The following SPOCK3 variants were observed in gnomAD, a reference collection of about 807,000 sequenced individuals.
SPOCK3 encodes the protein testican-3.
In SPOCK3, 30 loss-of-function variants were observed where a neutral mutation model predicts 56.6. That is an observed-to-expected ratio of 0.53 (90% CI 0.40 to 0.72). The LOEUF (loss-of-function observed/expected upper bound fraction) is 0.72. SPOCK3 is among the 30% of genes least tolerant of loss of function. The pLI, the probability that SPOCK3 is intolerant of heterozygous loss-of-function variation, is 0.00. For missense variants in SPOCK3, 527 were observed against 530.0 expected, an observed-to-expected ratio of 0.99 and a Z score of 0.06; for synonymous variants, 196 against 183.3, an observed-to-expected ratio of 1.07 and a Z score of -0.56.
chr4:166,950,185 A>C (rs976601378), intron 4 of SPOCK3, among the ~76,000 whole-genome samples: 11 of 151,916 alleles, frequency 7.2e-5, no homozygotes, highest in African/African-American at 2.7e-4. Context: ...TGTATTCAGG[A>C]AACCCATCTC....
intron 2 of SPOCK3, among the ~76,000 whole-genome samples, chr4:167,169,838 T>C (rs999373094): frequency 2.6e-5 from 4 of 152,032 alleles, no homozygotes; most frequent in African/African-American, 9.7e-5. Context: ...AATCATGAGG[T>C]GGTTTTCCCC....
At chr4:166,807,471 C>T (rs1743299739) in intron 6 of SPOCK3, among the ~76,000 whole-genome samples, 1 of 152,096 alleles carries the variant, frequency 6.6e-6, no homozygotes. Flanking sequence ...TGTTGCTATG[C>T]ATGTTGTGTT....
intron 4 of SPOCK3, among the ~76,000 whole-genome samples, chr4:166,995,699 G>A (rs1748295915): frequency 6.6e-6 from 1 of 152,114 alleles, no homozygotes; most frequent in East Asian, 1.9e-4. Context: ...TAAAGCATTA[G>A]CATCACTGTA....
At position 167,111,299 on chromosome 4, in the gene SPOCK3, C is replaced by T. The variant is rs28707329; in HGVS notation, c.190-48762G>A. Among the ~76,000 whole-genome samples, 1,134 of 152,054 alleles carry T rather than the reference C, an allele frequency of 7.5e-3. 14 individuals are homozygous for T. Among genetic ancestry groups the T allele is most frequent in the African/African-American group, 0.026 (1,085 of 41,480 alleles). The stretch of plus-strand genomic sequence containing the variant: ...ATAACAAAGCCCGCGGACTCAAGAA[C>T]ATATTTTGCAATTGCAGCACAATCC... On this transcript the variant is annotated intron_variant, in intron 2 of 10. Coordinates refer to ENST00000357545, the MANE Select transcript of SPOCK3 (RefSeq NM_001040159.2).
At chr4:167,060,962 A>C (rs1031743666) in intron 3 of SPOCK3, among the ~76,000 whole-genome samples, 1 of 152,086 alleles carries the variant, frequency 6.6e-6, no homozygotes, top group Non-Finnish European at 1.5e-5. Flanking sequence ...GACATTCTTC[A>C]TAAACATTAG....
At chr4:166,850,378 C>A (rs1407583225) in intron 6 of SPOCK3, among the ~76,000 whole-genome samples, 1 of 152,148 alleles carries the variant, frequency 6.6e-6, no homozygotes, top group Non-Finnish European at 1.5e-5. Context: ...AGTTAAAGTG[C>A]TATGCAATAA....
intron 2 of SPOCK3, among the ~76,000 whole-genome samples, chr4:167,158,673 T>C (rs1178335958): frequency 6.6e-6 from 1 of 152,010 alleles, no homozygotes; most frequent in African/African-American, 2.4e-5. Flanking sequence ...AGTTTTCACA[T>C]AGTTCAATTC....
chr4:167,057,665 C>G (rs1417332093), intron 3 of SPOCK3, among the ~76,000 whole-genome samples: 2 of 151,224 alleles, frequency 1.3e-5, no homozygotes, highest in East Asian at 3.9e-4. Flanking sequence ...GACTTTAAAC[C>G]AACAAAGATC....
At chr4:166,858,287 T>A (rs1245342681) in intron 6 of SPOCK3, among the ~76,000 whole-genome samples, 1 of 152,188 alleles carries the variant, frequency 6.6e-6, no homozygotes, top group Non-Finnish European at 1.5e-5. Flanking sequence ...GAAATCTTAT[T>A]GCTGTGAATT....
chr4:166,836,553 C>T (rs1746642713), intron 6 of SPOCK3, among the ~76,000 whole-genome samples: 1 of 151,912 alleles, frequency 6.6e-6, no homozygotes, highest in African/African-American at 2.4e-5. Flanking sequence ...GATTTTTTGC[C>T]CTGTGAATTT....
intron 3 of SPOCK3, among the ~76,000 whole-genome samples, chr4:167,058,329 A>T (rs1755147027): frequency 1.3e-5 from 2 of 152,194 alleles, no homozygotes. Context: ...AATGTACAAA[A>T]ATCACAAGCA....
chr4:166,854,295 A>T (rs1056641812), intron 6 of SPOCK3, among the ~76,000 whole-genome samples: 1 of 152,208 alleles, frequency 6.6e-6, no homozygotes, highest in Admixed American at 6.5e-5. Context: ...GTACTTTAAC[A>T]TGGTAATCTG....
chr4:167,099,474 G>T (rs906717587), intron 2 of SPOCK3, among the ~76,000 whole-genome samples: 1 of 151,710 alleles, frequency 6.6e-6, no homozygotes, highest in Non-Finnish European at 1.5e-5. Flanking sequence ...TAGATCAGAG[G>T]TACGTGAAAT....
intron 7 of SPOCK3, among the ~76,000 whole-genome samples, chr4:166,767,469 G>A (rs1279814122): frequency 6.6e-6 from 1 of 152,116 alleles, no homozygotes; most frequent in African/African-American, 2.4e-5. Context: ...TCAGGAGCAG[G>A]TTGTTCAGTT....
chr4:167,186,215 C>T (rs918993496), intron 2 of SPOCK3, among the ~76,000 whole-genome samples: 1 of 151,844 alleles, frequency 6.6e-6, no homozygotes, highest in African/African-American at 2.4e-5. Flanking sequence ...AACCTAAGTG[C>T]AAAATTAGAA....
chr4:166,901,506 G>A (rs552412956), intron 5 of SPOCK3, among the ~76,000 whole-genome samples: 37 of 152,250 alleles, frequency 2.4e-4, no homozygotes, highest in Non-Finnish European at 4.4e-4. Context: ...CACATTTTGC[G>A]AAGTGAAGTG....
chr4:167,058,948 A>G (rs1755247031), intron 3 of SPOCK3, among the ~76,000 whole-genome samples: 1 of 152,218 alleles, frequency 6.6e-6, no homozygotes, highest in Non-Finnish European at 1.5e-5. Flanking sequence ...GGCCAGCCAT[A>G]TGTAGAAAGC....
chr4:166,797,154 AT>A (rs2126673857), intron 6 of SPOCK3, among the ~76,000 whole-genome samples: 1 of 150,944 alleles, frequency 6.6e-6, no homozygotes, highest in African/African-American at 2.4e-5. Flanking sequence ...AATTAACTCT[AT>A]TTTTATACCT....
chr4:167,112,902 G>A (rs1297990819), intron 2 of SPOCK3, among the ~76,000 whole-genome samples: 12 of 151,926 alleles, frequency 7.9e-5, no homozygotes, highest in African/African-American at 2.7e-4. Context: ...AGAACTACAT[G>A]AAAGTAGGCC....
Sources: gnomAD v4.1 joint callset for allele counts (sites outside exome capture counted in the v4.1 genomes callset) on GRCh38, gnomAD v4.1.1 for gene constraint, MANE v1.5 for transcripts, NCBI Gene and HGNC (gene_info 2026-07-23, HGNC 2026-07-21) for gene names.